VWA8: variants seen among roughly 807,000 people sequenced by gnomAD.
The protein encoded by VWA8 is von Willebrand factor A domain containing 8.
In VWA8, 221 loss-of-function variants were observed where a neutral mutation model predicts 241.5. The observed-to-expected ratio is 0.91, with a 90% CI of 0.82 to 1.02. VWA8 has a LOEUF of 1.02. Ranked by LOEUF, VWA8 falls within the 50% of genes least tolerant of loss-of-function variation. VWA8 has a pLI of 0.00. For missense variants in VWA8, 2,322 were observed against 2,328.7 expected (o/e 1.00, Z 0.06); for synonymous variants, 852 against 827.1 (o/e 1.03, Z -0.52).
At chr13:41,908,940 T>G (rs1875858455) in intron 3 of VWA8, among the ~76,000 whole-genome samples, 1 of 152,224 alleles carries the variant, frequency 6.6e-6, no homozygotes, top group African/African-American at 2.4e-5. Context: ...GGATTTTTTC[T>G]CCATCCTATC....
intron 20 of VWA8, among the ~76,000 whole-genome samples, chr13:41,766,857 C>T (rs1351959803): frequency 6.6e-6 from 1 of 152,148 alleles, no homozygotes; most frequent in Non-Finnish European, 1.5e-5. Flanking sequence ...CTATTCGGGT[C>T]TCTTAATGTC....
rs115537572 is a variant in VWA8 at position 41,945,915 on chromosome 13, G to A, written c.241+4021C>T. Among the ~76,000 whole-genome samples, 961 of 152,112 alleles carry A rather than the reference G, an allele frequency of 6.3e-3. 7 individuals carry two copies. Among genetic ancestry groups the A allele is most frequent in the African/African-American group, 0.022 (913 of 41,506 alleles). On this transcript the variant is annotated intron_variant, in intron 2 of 44. Coordinates refer to ENST00000379310, the MANE Select transcript of VWA8 (RefSeq NM_015058.2). ...ACATTAATTTCCACATCCCATCCAA[G>A]AAGCTCAACAAACTCAAAACAAGGT...
chr13:41,765,520 A>G (rs75560351), intron 20 of VWA8, among the ~76,000 whole-genome samples: 5,077 of 152,334 alleles, frequency 0.033, 275 homozygotes, highest in African/African-American at 0.11. Context: ...TGAAACAGTT[A>G]TAATGACTTG....
Position 41,745,980 on chromosome 13 carries a change from A to G in VWA8, c.2427-13825T>C, listed in dbSNP as rs377313805. Among the ~76,000 whole-genome samples the G allele has an allele frequency of 1.9e-3, 294 of 152,330 alleles. 1 individual carries two copies. Among genetic ancestry groups the G allele is most frequent in the Non-Finnish European group, 2.9e-3 (195 of 68,028 alleles). On this transcript the variant is annotated intron_variant, in intron 21 of 44. Transcript: ENST00000379310. The stretch of plus-strand genomic sequence containing the variant: ...TTTACAAGTGAAAAAAAAAGGATTA[A>G]AAAGTTATAACCTAAATTTATAATA...
chr13:41,689,237 T>A, intron 34 of VWA8, 117 bp downstream of exon 34: 1 of 1,147,778 alleles, frequency 8.7e-7, no homozygotes, highest in Non-Finnish European at 1.2e-6. Context: ...GAAGACTTGA[T>A]CCAACATGTT....
chr13:41,609,223 A>T (rs1396761700), intron 39 of VWA8, among the ~76,000 whole-genome samples: 1 of 152,040 alleles, frequency 6.6e-6, no homozygotes, highest in Non-Finnish European at 1.5e-5. Context: ...GGAAAGAGTG[A>T]TAAGAGTTGT....
intron 43 of VWA8, among the ~76,000 whole-genome samples, chr13:41,573,178 T>A (rs2044321790): frequency 6.8e-6 from 1 of 147,604 alleles, no homozygotes; most frequent in African/African-American, 2.5e-5. Context: ...CACTTTGAGG[T>A]GGGCAGATCA....
chr13:41,690,143 A>AACACAGAT, intron 33 of VWA8, 23 bp downstream of exon 33: 1 of 1,596,302 alleles, frequency 6.3e-7, no homozygotes, highest in Non-Finnish European at 8.6e-7. Flanking sequence ...CACAGCCATA[A>AACACAGAT]ACACAGATGA....
At chr13:41,720,553 T>TA (rs2045381547) in intron 25 of VWA8, among the ~76,000 whole-genome samples, 1 of 152,194 alleles carries the variant, frequency 6.6e-6, no homozygotes, top group Admixed American at 6.6e-5. Context: ...AACCATTACT[T>TA]AAAATCTACT....
At chr13:41,581,017 T>C (rs555284058) in intron 42 of VWA8, among the ~76,000 whole-genome samples, 2 of 76,472 alleles carry the variant, frequency 2.6e-5, no homozygotes, top group South Asian at 8.9e-4. Flanking sequence ...TTTATTTTTT[T>C]TTGAGACGGA....
rs544982219 is a variant in VWA8 at position 41,701,537 on chromosome 13, T to A, written c.3226-7A>T. Reference sequence around the variant, plus strand: ...TATTTATAAGTGCTGGACCCTATAATAAAGCAGTTATCTCAGTTAAGATAT... The same window carrying A: ...TATTTATAAGTGCTGGACCCTATAAAAAAGCAGTTATCTCAGTTAAGATAT... On this transcript the variant is annotated splice_polypyrimidine_tract_variant and splice_region_variant and intron_variant, in intron 27 of 44. Coordinates refer to ENST00000379310, the MANE Select transcript of VWA8 (RefSeq NM_015058.2). 6.5e-7 allele frequency: 1 copy of A among 1,542,046 alleles called. No homozygotes were observed. The highest frequency in any genetic ancestry group is 2.2e-5 in the Admixed American group (1 of 45,128).
chr13:41,650,655 C>T (rs1156383114), intron 37 of VWA8, among the ~76,000 whole-genome samples: 1 of 152,210 alleles, frequency 6.6e-6, no homozygotes, highest in African/African-American at 2.4e-5. Context: ...TGAAATCTGA[C>T]CAGGTGTCAG....
At chr13:41,900,652 T>C (rs1247956029) in intron 4 of VWA8, among the ~76,000 whole-genome samples, 1 of 152,172 alleles carries the variant, frequency 6.6e-6, no homozygotes, top group Non-Finnish European at 1.5e-5. Context: ...TCAAGGGGTA[T>C]TATACAGTGT....
chr13:41,619,233 T>G (rs2044641219), intron 37 of VWA8, among the ~76,000 whole-genome samples: 1 of 152,250 alleles, frequency 6.6e-6, no homozygotes, highest in South Asian at 2.1e-4. Context: ...TTGTAGTAAT[T>G]GTGAATGGGA....
intron 12 of VWA8, among the ~76,000 whole-genome samples, chr13:41,863,419 GTGTGTGTGTGTGTGTA>G (rs1412540264): frequency 4.4e-4 from 31 of 70,092 alleles, no homozygotes; most frequent in African/African-American, 1.4e-3. Context: ...GTGTGTGTGT[GTGTGTGTGTGTGTGTA>G]TATATATATA....
intron 42 of VWA8, among the ~76,000 whole-genome samples, chr13:41,576,775 A>C (rs1035834983): frequency 1.3e-5 from 2 of 152,248 alleles, no homozygotes; most frequent in Non-Finnish European, 2.9e-5. Flanking sequence ...ATAACCTGGA[A>C]AGCCAGGGCC....
At position 41,713,284 on chromosome 13, in the gene VWA8, T is replaced by A. The variant is rs369471590; in HGVS notation, c.3116+6307A>T. Among the ~76,000 whole-genome samples, 22 of 152,322 alleles carry A rather than the reference T, an allele frequency of 1.4e-4. 1 individual carries two copies. The East Asian group carries it at 4.2e-3, about 29-fold the overall frequency. On this transcript the variant is annotated intron_variant, in intron 26 of 44. Coordinates refer to ENST00000379310, the MANE Select transcript of VWA8 (RefSeq NM_015058.2). ...AATAAAATGTAGAAAATAATACATG[T>A]GTTAGAAAATTAAAATATTACTAAA... is the stretch of plus-strand genomic sequence containing the variant.
chr13:41,925,405 C>G (rs756904485), intron 2 of VWA8, among the ~76,000 whole-genome samples: 1 of 151,918 alleles, frequency 6.6e-6, no homozygotes, highest in Non-Finnish European at 1.5e-5. Context: ...ATCTCTAGTA[C>G]GAAGGTTAAA....
At chr13:41,811,572 T>G (rs1258129789) in intron 16 of VWA8, among the ~76,000 whole-genome samples, 1 of 152,192 alleles carries the variant, frequency 6.6e-6, no homozygotes, top group African/African-American at 2.4e-5. Flanking sequence ...TTAATTAATG[T>G]ATTTTAATTG....
Sources: gnomAD v4.1 joint callset for allele counts (sites outside exome capture counted in the v4.1 genomes callset) on GRCh38, gnomAD v4.1.1 for gene constraint, MANE v1.5 for transcripts, NCBI Gene and HGNC (gene_info 2026-07-23, HGNC 2026-07-21) for gene names.